The following CNTNAP2 variants were observed in gnomAD, a reference collection of about 807,000 sequenced individuals.
CNTNAP2 encodes the protein contactin associated protein 2, also known as contactin-associated protein-like 2.
In CNTNAP2, 98 loss-of-function variants were observed where a neutral mutation model predicts 155.2. The observed-to-expected ratio is 0.63, with a 90% CI of 0.54 to 0.75. The LOEUF is 0.75. Ranked by LOEUF, CNTNAP2 falls within the 30% of genes least tolerant of loss-of-function variation. The pLI is 0.00. For missense variants in CNTNAP2, 1,727 were observed against 1,688.1 expected, an observed-to-expected ratio of 1.02 and a Z score of -0.40; for synonymous variants, 651 against 631.2, an observed-to-expected ratio of 1.03 and a Z score of -0.47.
rs1400914792 is a variant in CNTNAP2, at chr7:148,383,725, C to T, written c.3552C>T (p.Phe1184=). The change falls in exon 22 of 24, where the codon TTC becomes TTT. Residue 1184 remains phenylalanine (F), a synonymous_variant. Transcript: ENST00000361727. ...CTGGTTGCCTCTCCAGAGTCCAGTT[C>T]AACCAGATCGCCCCTCTCAAGGCCG... ...GFTGCLSRVQ[F]NQIAPLKAAL... is the part of the protein sequence containing the mutation. The T allele has an allele frequency of 1.2e-6, 2 of 1,614,108 alleles. No homozygotes were observed. The highest frequency in any genetic ancestry group is 2.7e-5 in the African/African-American group (2 of 74,938).
At chr7:148,408,654 G>A (rs1302411611) in intron 22 of CNTNAP2, among the ~76,000 whole-genome samples, 3 of 152,190 alleles carry the variant, frequency 2.0e-5, no homozygotes, top group African/African-American at 4.8e-5. Context: ...TCCAACAGAA[G>A]ACCAACAAAT....
intron 3 of CNTNAP2, among the ~76,000 whole-genome samples, chr7:147,023,629 G>A (rs1798852592): frequency 6.6e-6 from 1 of 152,118 alleles, no homozygotes; most frequent in South Asian, 2.1e-4. Flanking sequence ...TTGGCATCAT[G>A]AACCAGAGAA....
At chr7:147,717,399 A>C (rs558408134) in intron 13 of CNTNAP2, among the ~76,000 whole-genome samples, 2 of 151,994 alleles carry the variant, frequency 1.3e-5, no homozygotes, top group Non-Finnish European at 2.9e-5. Flanking sequence ...CAGTATCCTC[A>C]CCTAATTTCA....
At chr7:148,121,596 G>A (rs925109413) in intron 16 of CNTNAP2, among the ~76,000 whole-genome samples, 1 of 151,978 alleles carries the variant, frequency 6.6e-6, no homozygotes, top group African/African-American at 2.4e-5. Flanking sequence ...TTTTCTCTAA[G>A]CGTGTCTCAG....
intron 13 of CNTNAP2, among the ~76,000 whole-genome samples, chr7:147,738,407 G>T (rs374236215): frequency 4.7e-5 from 6 of 127,136 alleles, no homozygotes; most frequent in East Asian, 3.9e-4. Context: ...AAACATCATT[G>T]TTGCCTTATT....
At chr7:146,722,740 G>T (rs1410830564) in intron 1 of CNTNAP2, among the ~76,000 whole-genome samples, 1 of 152,054 alleles carries the variant, frequency 6.6e-6, no homozygotes, top group Admixed American at 6.6e-5. Context: ...ACGTTGGCGA[G>T]GTGCAGTCGC....
chr7:146,736,977 G>C (rs1024945104), intron 1 of CNTNAP2, among the ~76,000 whole-genome samples: 1 of 151,876 alleles, frequency 6.6e-6, no homozygotes, highest in Non-Finnish European at 1.5e-5. Context: ...ACCAGTAGAG[G>C]GAGCTTTTAG....
At chr7:147,949,027 C>T (rs1313138018) in intron 14 of CNTNAP2, among the ~76,000 whole-genome samples, 1 of 151,610 alleles carries the variant, frequency 6.6e-6, no homozygotes, top group African/African-American at 2.4e-5. Flanking sequence ...CACGGAGAAA[C>T]CCCATCTCTA....
chr7:146,314,740 A>G (rs185737044), intron 1 of CNTNAP2, among the ~76,000 whole-genome samples: 66 of 152,142 alleles, frequency 4.3e-4, no homozygotes, highest in Middle Eastern at 3.4e-3. Flanking sequence ...TCAGATCTAT[A>G]TTTACTGCTG....
chr7:147,686,609 A>G (rs1796020738), intron 13 of CNTNAP2, among the ~76,000 whole-genome samples: 1 of 151,994 alleles, frequency 6.6e-6, no homozygotes, highest in African/African-American at 2.4e-5. Context: ...GATATCCAAG[A>G]CTCATAGTTT....
intron 10 of CNTNAP2, among the ~76,000 whole-genome samples, chr7:147,441,835 C>CTCTCTCTCTCTT (rs1797641593): frequency 1.4e-5 from 2 of 146,260 alleles, no homozygotes; most frequent in African/African-American, 2.5e-5. Flanking sequence ...CTCTCTCTCT[C>CTCTCTCTCTCTT]TCTCTCTCTC....
intron 13 of CNTNAP2, among the ~76,000 whole-genome samples, chr7:147,866,082 A>C (rs2116693832): frequency 6.6e-6 from 1 of 152,252 alleles, no homozygotes; most frequent in South Asian, 2.1e-4. Context: ...TTCCCTCTAT[A>C]CACTGCTTTA....
chr7:146,633,845 A>AAAAAAAAC (rs1799552317), intron 1 of CNTNAP2, among the ~76,000 whole-genome samples: 1 of 151,160 alleles, frequency 6.6e-6, no homozygotes, highest in Admixed American at 6.6e-5. Context: ...AAAAAAAAAA[A>AAAAAAAAC]AAAAAAAAAA....
chr7:147,701,526 A>G (rs1386108857), intron 13 of CNTNAP2, among the ~76,000 whole-genome samples: 1 of 152,150 alleles, frequency 6.6e-6, no homozygotes, highest in Non-Finnish European at 1.5e-5. Context: ...TACATATCCA[A>G]ACAGAGTATA....
chr7:146,950,548 G>T (rs1470955987), intron 3 of CNTNAP2, among the ~76,000 whole-genome samples: 3 of 152,074 alleles, frequency 2.0e-5, no homozygotes, highest in African/African-American at 7.2e-5. Context: ...TGTGGTGTTT[G>T]TTTTCTGTTC....
chr7:147,087,072 C>G (rs964422096), intron 4 of CNTNAP2, among the ~76,000 whole-genome samples: 1 of 152,178 alleles, frequency 6.6e-6, no homozygotes, highest in Non-Finnish European at 1.5e-5. Flanking sequence ...TGGTTATTAT[C>G]TACATGGTGG....
chr7:147,953,212 A>G (rs945848668), intron 14 of CNTNAP2, among the ~76,000 whole-genome samples: 4 of 152,156 alleles, frequency 2.6e-5, no homozygotes, highest in Non-Finnish European at 4.4e-5. Flanking sequence ...TGTGTGTTCC[A>G]TTGTCTCTTC....
chr7:146,609,460 T>C (rs1415715687), intron 1 of CNTNAP2, among the ~76,000 whole-genome samples: 1 of 152,256 alleles, frequency 6.6e-6, no homozygotes, highest in Non-Finnish European at 1.5e-5. Flanking sequence ...TATTCTGCTG[T>C]GAATACTGTG....
At chr7:147,874,256 C>G (rs1223350349) in intron 13 of CNTNAP2, among the ~76,000 whole-genome samples, 1 of 152,226 alleles carries the variant, frequency 6.6e-6, no homozygotes, top group African/African-American at 2.4e-5. Flanking sequence ...CCACATTTCC[C>G]TTCTGCACTG....
Sources: gnomAD v4.1 joint callset for allele counts (sites outside exome capture counted in the v4.1 genomes callset) on GRCh38, gnomAD v4.1.1 for gene constraint, MANE v1.5 for transcripts, NCBI Gene and HGNC (gene_info 2026-07-23, HGNC 2026-07-21) for gene names.